NPSR1: variants seen among roughly 807,000 people sequenced by gnomAD.
NPSR1 encodes neuropeptide S receptor 1.
In NPSR1, 48 loss-of-function variants were observed where a neutral mutation model predicts 46.9. That is an observed-to-expected ratio of 1.02 (90% CI 0.81 to 1.30). The LOEUF is 1.30. Among genes scored for constraint, NPSR1 ranks in the 50% most tolerant of loss-of-function variants. The probability of loss-of-function intolerance (pLI) is 0.00; values close to 1 mark genes in which losing one functional copy is unlikely to be tolerated. For synonymous variants in NPSR1, 176 were observed against 168.1 expected (o/e 1.05, Z -0.36); for missense variants, 450 against 449.5 (o/e 1.00, Z -0.01).
chr7:34,867,251 G>A (rs1399493761), intron 8 of NPSR1, among the ~76,000 whole-genome samples: 1 of 151,832 alleles, frequency 6.6e-6, no homozygotes, highest in East Asian at 1.9e-4. Flanking sequence ...GAGGAGGGAT[G>A]GTGAGAAGGC....
At chr7:34,869,053 A>G (rs187749805) in intron 8 of NPSR1, among the ~76,000 whole-genome samples, 1 of 151,822 alleles carries the variant, frequency 6.6e-6, no homozygotes, top group East Asian at 1.9e-4. Flanking sequence ...TAAAGGAAAG[A>G]TGTTGCATGC....
At chr7:34,709,029 C>A (rs898661991) in intron 2 of NPSR1, among the ~76,000 whole-genome samples, 1 of 152,126 alleles carries the variant, frequency 6.6e-6, no homozygotes, top group Non-Finnish European at 1.5e-5. Context: ...GCTTGATCTT[C>A]CTTTTGAATT....
chr7:34,813,565 T>C (rs1415564290), intron 4 of NPSR1, among the ~76,000 whole-genome samples: 1 of 152,082 alleles, frequency 6.6e-6, no homozygotes, highest in Non-Finnish European at 1.5e-5. Context: ...AAAAACAATA[T>C]GCACAAAAAT....
intron 6 of NPSR1, among the ~76,000 whole-genome samples, chr7:34,842,240 C>T (rs548542388): frequency 6.6e-6 from 1 of 152,248 alleles, no homozygotes; most frequent in African/African-American, 2.4e-5. Context: ...GACGATTTGC[C>T]TAAGTTTACA....
intron 4 of NPSR1, among the ~76,000 whole-genome samples, chr7:34,820,656 CATGA>C (rs1789508902): frequency 1.3e-5 from 2 of 152,100 alleles, no homozygotes; most frequent in Admixed American, 1.3e-4. Context: ...TTTAGGGCGA[CATGA>C]ACCTTCAATC....
chr7:34,837,495 C>A (rs1036784314), intron 6 of NPSR1, among the ~76,000 whole-genome samples: 1 of 152,216 alleles, frequency 6.6e-6, no homozygotes, highest in Non-Finnish European at 1.5e-5. Flanking sequence ...CTGTTTGCCC[C>A]ATTTCACCCA....
intron 1 of NPSR1, among the ~76,000 whole-genome samples, chr7:34,663,067 C>CTCTCTCTCTCTCTCTCTCTCTCTG (rs35826710): frequency 4.0e-5 from 4 of 99,426 alleles, no homozygotes; most frequent in African/African-American, 5.7e-5. Context: ...CTCTCTCTCT[C>CTCTCTCTCTCTCTCTCTCTCTCTG]TGTGTGTGTG....
At chr7:34,673,397 T>C (rs1792156633) in intron 1 of NPSR1, among the ~76,000 whole-genome samples, 1 of 152,206 alleles carries the variant, frequency 6.6e-6, no homozygotes, top group Non-Finnish European at 1.5e-5. Flanking sequence ...CAGGAGAGTT[T>C]CCCACTTCCG....
intron 2 of NPSR1, among the ~76,000 whole-genome samples, chr7:34,756,486 A>G (rs995230838): frequency 2.0e-5 from 3 of 152,200 alleles, no homozygotes; most frequent in African/African-American, 7.2e-5. Context: ...AGGCCCAGAT[A>G]TTAAATATTT....
intron 3 of NPSR1, among the ~76,000 whole-genome samples, chr7:34,801,978 G>T: frequency 6.7e-6 from 1 of 149,598 alleles, no homozygotes; most frequent in East Asian, 1.9e-4. Flanking sequence ...GCTTCAAAGA[G>T]AATAAAATAC....
chr7:34,686,131 A>T (rs1486767776), intron 2 of NPSR1: 1 of 152,950 alleles, frequency 6.5e-6, no homozygotes, highest in Non-Finnish European at 1.5e-5. Flanking sequence ...TTTCATAAAC[A>T]ATAAACAAAT....
intron 2 of NPSR1, among the ~76,000 whole-genome samples, chr7:34,696,590 C>T (rs323907): frequency 0.11 from 16,398 of 151,678 alleles, 960 homozygotes; most frequent in African/African-American, 0.14. Context: ...TTAAACTTAG[C>T]GGCAAATTAA....
chr7:34,765,873 G>A (rs1583976316), intron 2 of NPSR1, among the ~76,000 whole-genome samples: 1 of 152,092 alleles, frequency 6.6e-6, no homozygotes, highest in Non-Finnish European at 1.5e-5. Context: ...ACATAAAGAT[G>A]GCAACAGTAG....
intron 6 of NPSR1, among the ~76,000 whole-genome samples, chr7:34,841,009 ATG>A (rs999542783): frequency 2.0e-5 from 3 of 152,220 alleles, no homozygotes; most frequent in African/African-American, 7.2e-5. Flanking sequence ...AGTAAAGAGA[ATG>A]TTACTGTTCA....
chr7:34,805,792 T>C (rs1215317742), intron 3 of NPSR1, among the ~76,000 whole-genome samples: 2 of 151,992 alleles, frequency 1.3e-5, no homozygotes, highest in Non-Finnish European at 2.9e-5. Context: ...ATATATTTCA[T>C]AAAGGATTTG....
chr7:34,778,634 A>C, intron 3 of NPSR1, 69 bp downstream of exon 3: 1 of 982,374 alleles, frequency 1.0e-6, no homozygotes, highest in Non-Finnish European at 1.6e-6. Context: ...TTATCTAAGG[A>C]AAATCATATA....
intron 3 of NPSR1, among the ~76,000 whole-genome samples, chr7:34,795,491 T>C (rs138241734): frequency 1.9e-4 from 29 of 152,190 alleles, no homozygotes; most frequent in African/African-American, 2.6e-4. Flanking sequence ...GGTGACATGA[T>C]TGTCTATGCA....
At chr7:34,825,265 G>A (rs1309020118) in intron 4 of NPSR1, among the ~76,000 whole-genome samples, 1 of 152,128 alleles carries the variant, frequency 6.6e-6, no homozygotes, top group African/African-American at 2.4e-5. Context: ...CCATATGTCT[G>A]TGCCCATATG....
At chr7:34,695,831 G>C (rs926481478) in intron 2 of NPSR1, among the ~76,000 whole-genome samples, 1 of 151,970 alleles carries the variant, frequency 6.6e-6, no homozygotes, top group Non-Finnish European at 1.5e-5. Flanking sequence ...GTGAAGAAAA[G>C]GGTAGACTTA....
Sources: allele counts gnomAD v4.1 joint callset (sites outside exome capture counted in the v4.1 genomes callset), GRCh38; gene constraint gnomAD v4.1.1; transcripts MANE v1.5; gene names NCBI Gene and HGNC (gene_info 2026-07-23, HGNC 2026-07-21).